EFHC2: variants seen among roughly 807,000 people sequenced by gnomAD.
EFHC2 encodes EF-hand domain containing 2.
Under a neutral mutation model 52.7 loss-of-function variants are expected in EFHC2, and 18 were observed. The ratio of observed to expected loss-of-function variants is 0.34; its 90% CI spans 0.24 to 0.51. EFHC2 has a LOEUF of 0.51. Ranked by LOEUF, EFHC2 falls within the 20% of genes least tolerant of loss-of-function variation. EFHC2 has a pLI of 0.97. For missense variants in EFHC2, 513 were observed against 562.5 expected (o/e 0.91, Z 0.89); for synonymous variants, 203 against 204.1 (o/e 0.99, Z 0.04).
chrX:44,315,949 C>G (rs1350269754), intron 1 of EFHC2, among the ~76,000 whole-genome samples: 1 of 111,691 alleles, frequency 9.0e-6, no homozygotes, highest in Non-Finnish European at 1.9e-5. Context: ...CATCAGGCCA[C>G]TGGAATATTT....
intron 1 of EFHC2, among the ~76,000 whole-genome samples, chrX:44,317,086 G>A (rs1257470303): frequency 4.5e-5 from 5 of 112,288 alleles, no homozygotes; most frequent in Admixed American, 9.4e-5. Flanking sequence ...AGGGTCCGGG[G>A]AAGAAGAGAG....
chrX:44,325,802 A>G (rs2038048399), intron 1 of EFHC2, among the ~76,000 whole-genome samples: 1 of 104,339 alleles, frequency 9.6e-6, no homozygotes, highest in African/African-American at 3.5e-5. Context: ...TTACTAGATA[A>G]GCCATGAGCT....
chrX:44,180,477 C>T (rs1336452087), intron 11 of EFHC2, among the ~76,000 whole-genome samples: 2 of 112,052 alleles, frequency 1.8e-5, no homozygotes, highest in Admixed American at 1.9e-4. Context: ...CGTGGTGGCT[C>T]ACGCTCGTAA....
chrX:44,288,215 C>CA (rs202206777), intron 2 of EFHC2, among the ~76,000 whole-genome samples: 1,290 of 110,152 alleles, frequency 0.012, 15 homozygotes, highest in Non-Finnish European at 0.017. Flanking sequence ...AAAAAAAACT[C>CA]AGATTGTCAA....
chrX:44,253,431 G>A, intron 4 of EFHC2, among the ~76,000 whole-genome samples: 1 of 111,147 alleles, frequency 9.0e-6, no homozygotes, highest in Non-Finnish European at 1.9e-5. Flanking sequence ...CTGGAGCTTG[G>A]TGGGGGGAGG....
At chrX:44,225,151 C>T (rs2037222191) in intron 11 of EFHC2, among the ~76,000 whole-genome samples, 1 of 109,807 alleles carries the variant, frequency 9.1e-6, no homozygotes, top group African/African-American at 3.3e-5. Context: ...TCTGATAGAC[C>T]ATGCCAAAAA....
At chrX:44,307,335 C>G (rs759787254) in intron 2 of EFHC2, among the ~76,000 whole-genome samples, 1 of 112,160 alleles carries the variant, frequency 8.9e-6, no homozygotes, top group Non-Finnish European at 1.9e-5. Context: ...AAACTGGCAA[C>G]AAGTTGAAAA....
At chrX:44,196,411 A>C (rs886396380) in intron 11 of EFHC2, among the ~76,000 whole-genome samples, 10 of 111,886 alleles carry the variant, frequency 8.9e-5, no homozygotes, top group Non-Finnish European at 1.9e-4. Context: ...TTTTATTTTT[A>C]GCATTTGCAT....
intron 4 of EFHC2, 95 bp from the exon 5 acceptor site, chrX:44,250,540 T>C: frequency 9.9e-7 from 1 of 1,012,611 alleles, no homozygotes; most frequent in Non-Finnish European, 1.3e-6. Flanking sequence ...AAGATATATT[T>C]TTGGTCAGGC....
chrX:44,219,630 G>C (rs1427367923), intron 11 of EFHC2, among the ~76,000 whole-genome samples: 2 of 111,789 alleles, frequency 1.8e-5, no homozygotes, highest in Non-Finnish European at 3.8e-5. Flanking sequence ...AAATGTTGGA[G>C]AAAATGAATG....
chrX:44,283,276 A>G (rs895619795), intron 2 of EFHC2, among the ~76,000 whole-genome samples: 4 of 111,473 alleles, frequency 3.6e-5, no homozygotes, highest in Non-Finnish European at 5.7e-5. Context: ...TCTGCCTCCC[A>G]GGTTCACGCC....
chrX:44,229,115 A>G (rs1272475159), intron 11 of EFHC2, among the ~76,000 whole-genome samples: 5 of 111,904 alleles, frequency 4.5e-5, no homozygotes, highest in Non-Finnish European at 9.4e-5. Flanking sequence ...AATATTTCCA[A>G]CTACTGTCAT....
intron 13 of EFHC2, among the ~76,000 whole-genome samples, chrX:44,169,248 C>T (rs2036724146): frequency 9.0e-6 from 1 of 110,830 alleles, no homozygotes; most frequent in African/African-American, 3.3e-5. Flanking sequence ...TATCCAAATT[C>T]GAGAGCTCTA....
At chrX:44,332,324 C>T (rs926882732) in intron 1 of EFHC2, among the ~76,000 whole-genome samples, 12 of 110,375 alleles carry the variant, frequency 1.1e-4, no homozygotes, top group African/African-American at 3.6e-4. Flanking sequence ...CCTAAACTTC[C>T]CCCCACCCCC....
chrX:44,258,248 C>A (rs1274393937), intron 4 of EFHC2, among the ~76,000 whole-genome samples: 3 of 111,188 alleles, frequency 2.7e-5, no homozygotes, highest in African/African-American at 9.8e-5. Context: ...ACTAAAATAC[C>A]AAAAGCAATG....
At chrX:44,154,576 G>A (rs2036593549) in intron 14 of EFHC2, among the ~76,000 whole-genome samples, 1 of 108,922 alleles carries the variant, frequency 9.2e-6, no homozygotes. Flanking sequence ...TGGTGGTGTG[G>A]GCCTGTAGTC....
intron 1 of EFHC2, among the ~76,000 whole-genome samples, chrX:44,315,204 C>T (rs1394318568): frequency 1.8e-5 from 2 of 111,336 alleles, no homozygotes; most frequent in African/African-American, 6.5e-5. Context: ...CTCCCTTTGC[C>T]TTCCACCATG....
chrX:44,338,125 G>C (rs995444560), intron 1 of EFHC2, among the ~76,000 whole-genome samples: 3 of 111,187 alleles, frequency 2.7e-5, no homozygotes, highest in African/African-American at 9.8e-5. Context: ...AATGTACCAA[G>C]TACCACTGAA....
At chrX:44,151,295 T>G (rs1164579762) in intron 14 of EFHC2, among the ~76,000 whole-genome samples, 1 of 111,834 alleles carries the variant, frequency 8.9e-6, no homozygotes, top group African/African-American at 3.3e-5. Flanking sequence ...AATTCAGTAA[T>G]AGTTGACAGT....
Sources: allele counts gnomAD v4.1 joint callset (sites outside exome capture counted in the v4.1 genomes callset), GRCh38; gene constraint gnomAD v4.1.1; transcripts MANE v1.5; gene names NCBI Gene and HGNC (gene_info 2026-07-23, HGNC 2026-07-21).